Variants in METAP2 observed in about 807,000 individuals in gnomAD.
METAP2 encodes methionyl aminopeptidase 2.
A neutral mutation model predicts 59.4 loss-of-function variants in METAP2; 25 were observed. That is an observed-to-expected ratio of 0.42 (90% confidence interval 0.31 to 0.59). The LOEUF is 0.59. Among genes scored for constraint, METAP2 ranks in the 20% least tolerant of loss-of-function variants. The probability of loss-of-function intolerance (pLI) is 0.16; values close to 1 mark genes in which losing one functional copy is unlikely to be tolerated. For synonymous variants in METAP2, 214 were observed against 194.1 expected (o/e 1.10, Z -0.85); for missense variants, 366 against 581.2 (o/e 0.63, Z 3.81).
intron 7 of METAP2, 51 bp downstream of exon 7, chr12:95,496,149 G>A: frequency 7.9e-7 from 1 of 1,261,978 alleles, no homozygotes; most frequent in Non-Finnish European, 1.1e-6. Context: ...AGCACTTTAA[G>A]GTCTTTTAAA....
intron 8 of METAP2, among the ~76,000 whole-genome samples, chr12:95,505,478 C>T (rs2076351411): frequency 6.6e-6 from 1 of 151,726 alleles, no homozygotes; most frequent in African/African-American, 2.4e-5. Flanking sequence ...GTGCCCACCA[C>T]CACGCCCGGC....
chr12:95,486,373 T>C (rs1481620288), intron 4 of METAP2, among the ~76,000 whole-genome samples: 2 of 152,206 alleles, frequency 1.3e-5, no homozygotes, highest in Non-Finnish European at 2.9e-5. Flanking sequence ...ATCTTTACTT[T>C]TTTTTTCCTG....
At chr12:95,504,573 T>C (rs2076343737) in intron 8 of METAP2, among the ~76,000 whole-genome samples, 1 of 152,240 alleles carries the variant, frequency 6.6e-6, no homozygotes, top group South Asian at 2.1e-4. Flanking sequence ...CAGAGCTCAC[T>C]GTAGTTTCAA....
chr12:95,481,382 G>A (rs755663558), intron 2 of METAP2, among the ~76,000 whole-genome samples: 5 of 152,192 alleles, frequency 3.3e-5, no homozygotes, highest in African/African-American at 1.2e-4. Context: ...CTGCACTCCA[G>A]CTTGGGCAAC....
chr12:95,509,842 C>G (rs1015268057), intron 8 of METAP2, among the ~76,000 whole-genome samples: 2 of 146,762 alleles, frequency 1.4e-5, no homozygotes, highest in African/African-American at 2.7e-5. Flanking sequence ...GACCTCCCCC[C>G]CAACCTTTTT....
rs1249833084 is a variant in METAP2, at chr12:95,474,299, A to AAAG, written c.131_133dup (p.Lys44dup). On this transcript the variant is annotated inframe_insertion, in exon 1 of 11. Coordinates refer to ENST00000323666, the MANE Select transcript of METAP2 (RefSeq NM_006838.4). ...AGGAAGCAGCCAAGAAAAAAAGACG[A>AAAG]AAGAAGAAGAAGAGCAAAGGGCCTT... is the stretch of plus-strand genomic sequence containing the variant. 1.2e-6 allele frequency: 2 copies of AAAG among 1,614,164 alleles called. No homozygotes were observed. The highest frequency in any genetic ancestry group is 1.3e-5 in the African/African-American group (1 of 75,052).
chr12:95,513,375 G>GTC (rs752459521), intron 10 of METAP2, among the ~76,000 whole-genome samples: 3 of 151,978 alleles, frequency 2.0e-5, no homozygotes, highest in Non-Finnish European at 4.4e-5. Flanking sequence ...CCTGTAGTAG[G>GTC]TCTCTAGTGG....
intron 2 of METAP2, 124 bp from the exon 3 acceptor site, chr12:95,483,091 C>A (rs1470350940): frequency 2.6e-6 from 2 of 782,106 alleles, no homozygotes; most frequent in Non-Finnish European, 4.4e-6. Context: ...TAAATGTAAA[C>A]AAGATAAAAT....
In METAP2 at chr12:95,498,295, G is replaced by A. The variant is rs188738003; in HGVS notation, c.867+2197G>A. On this transcript the variant is annotated intron_variant, in intron 7 of 10. Coordinates refer to ENST00000323666, the MANE Select transcript of METAP2 (RefSeq NM_006838.4). ...TCTTTGCCTGCTTTTTAATTGAGTCGTTTGTTGTTGAGTTTTAGGAATTCT... is the reference window on the plus strand; with the variant it reads ...TCTTTGCCTGCTTTTTAATTGAGTCATTTGTTGTTGAGTTTTAGGAATTCT... 5.9e-5 allele frequency among the ~76,000 whole-genome samples: 9 copies of A among 152,186 alleles called. 1 individual carries two copies. Among genetic ancestry groups the A allele is most frequent in the South Asian group, 2.1e-4 (1 of 4,820 alleles).
At chr12:95,506,520 C>T (rs2076361806) in intron 8 of METAP2, among the ~76,000 whole-genome samples, 1 of 151,756 alleles carries the variant, frequency 6.6e-6, no homozygotes, top group Non-Finnish European at 1.5e-5. Flanking sequence ...AGGATGGTCT[C>T]AATCTCTTGA....
chr12:95,482,726 A>G (rs1206806179), intron 2 of METAP2, among the ~76,000 whole-genome samples: 1 of 152,032 alleles, frequency 6.6e-6, no homozygotes, highest in African/African-American at 2.4e-5. Flanking sequence ...TGGGAGGCGG[A>G]GGTTGCAGTG....
rs766226459 is a variant in METAP2 at position 95,485,920 on chromosome 12, C to T, written c.367C>T (p.Leu123=). Residue 123 remains leucine, a synonymous_variant, in exon 4 of 11, where the codon CTG becomes TTG. Transcript: ENST00000323666. ...CCCTCCCTCAGTTCCAATATGTGAC[C>T]TGTATCCTAATGGTGTATTTCCCAA... is the stretch of plus-strand genomic sequence containing the variant. The part of the protein sequence containing the change: ...TDPPSVPICD[L]YPNGVFPKGQ... 2 of 1,591,512 alleles carry T rather than the reference C, an allele frequency of 1.3e-6. No homozygotes were observed. Among genetic ancestry groups the T allele is most frequent in the Admixed American group, 3.7e-5 (2 of 54,730 alleles).
intron 4 of METAP2, 83 bp from the exon 5 acceptor site, chr12:95,493,973 T>C: frequency 4.3e-6 from 5 of 1,161,092 alleles, no homozygotes; most frequent in Non-Finnish European, 6.1e-6. Context: ...TTATTTGAAC[T>C]GTCTTGTTAC....
rs974959816 is a variant in METAP2, at chr12:95,507,006, G to A, written c.964+2845G>A. ...CTTCATCATGTTGGCCAGATCAGGC[G>A]ATCTGCCCACCTTGGCCTCCTAAAG... On this transcript the variant is annotated intron_variant, in intron 8 of 10. Transcript: ENST00000323666. Among the ~76,000 whole-genome samples the A allele has an allele frequency of 2.6e-5, 4 of 151,648 alleles. No homozygotes were observed. In the East Asian group the frequency reaches 5.8e-4, roughly 22 times the overall value.
chr12:95,511,389 G>GTTTTTTTTTTTTTTTTTTT (rs11301070), intron 8 of METAP2, among the ~76,000 whole-genome samples: 1 of 61,118 alleles, frequency 1.6e-5, no homozygotes, highest in Non-Finnish European at 2.8e-5. Flanking sequence ...TTCTAGCACC[G>GTTTTTTTTTTTTTTTTTTT]TTTTTTTTTT....
intron 4 of METAP2, among the ~76,000 whole-genome samples, chr12:95,489,975 T>C (rs1366285325): frequency 6.6e-6 from 1 of 152,210 alleles, no homozygotes; most frequent in Non-Finnish European, 1.5e-5. Context: ...ATTCTTTATC[T>C]CAATGAAATA....
intron 7 of METAP2, among the ~76,000 whole-genome samples, chr12:95,497,112 A>G (rs2076281294): frequency 1.3e-5 from 2 of 152,000 alleles, no homozygotes; most frequent in Non-Finnish European, 2.9e-5. Flanking sequence ...GGCGTGATTC[A>G]CCGCGCCTGG....
At chr12:95,485,615 A>T (rs992537190) in intron 3 of METAP2, among the ~76,000 whole-genome samples, 4 of 152,140 alleles carry the variant, frequency 2.6e-5, no homozygotes, top group Non-Finnish European at 5.9e-5. Context: ...AGATGAAGAC[A>T]TTAGAAGTGT....
At chr12:95,506,073 G>T (rs1465661063) in intron 8 of METAP2, among the ~76,000 whole-genome samples, 1 of 151,536 alleles carries the variant, frequency 6.6e-6, no homozygotes, top group Admixed American at 6.6e-5. Context: ...CTCCAGCCTG[G>T]GCGACAGAGT....
Sources: allele counts gnomAD v4.1 joint callset (sites outside exome capture counted in the v4.1 genomes callset), GRCh38; gene constraint gnomAD v4.1.1; transcripts MANE v1.5; gene names NCBI Gene and HGNC (gene_info 2026-07-23, HGNC 2026-07-21).